Variants in GPR139 observed in about 807,000 individuals in gnomAD.
The protein encoded by GPR139 is probable G protein-coupled receptor 139.
Under a neutral mutation model 25.8 loss-of-function variants are expected in GPR139, and 12 were observed. The observed-to-expected ratio is 0.47, with a 90% CI of 0.30 to 0.75. The LOEUF (loss-of-function observed/expected upper bound fraction) is 0.75, where lower values mean the gene tolerates loss of function less well. Ranked by LOEUF, GPR139 falls within the 30% of genes least tolerant of loss-of-function variation. GPR139 has a pLI of 0.07. For synonymous variants in GPR139, 184 were observed against 179.9 expected, an observed-to-expected ratio of 1.02 and a Z score of -0.18; for missense variants, 380 against 450.2, an observed-to-expected ratio of 0.84 and a Z score of 1.41.
chr16:20,051,427 C>T (rs2057371952), intron 1 of GPR139, among the ~76,000 whole-genome samples: 1 of 152,222 alleles, frequency 6.6e-6, no homozygotes, highest in African/African-American at 2.4e-5. Context: ...AATGGACATT[C>T]TGTTCCACCA....
chr16:20,043,933 A>G (rs796068348), intron 1 of GPR139, among the ~76,000 whole-genome samples: 17 of 151,612 alleles, frequency 1.1e-4, no homozygotes, highest in African/African-American at 4.1e-4. Context: ...ACAGATCCAG[A>G]TGAGCCTTCT....
At chr16:20,062,133 G>A (rs1017244613) in intron 1 of GPR139, among the ~76,000 whole-genome samples, 2 of 152,218 alleles carry the variant, frequency 1.3e-5, no homozygotes, top group African/African-American at 4.8e-5. Flanking sequence ...AAAGGACATT[G>A]TATTAGAACA....
Position 20,029,490 on chromosome 16 carries a change from T to A in GPR139, c.*2245A>T, listed in dbSNP as rs1049759530. 0.015 allele frequency among the ~76,000 whole-genome samples: 2,167 copies of A among 149,058 alleles called. 32 individuals carry two copies. The highest frequency in any genetic ancestry group is 0.044 in the African/African-American group (1,782 of 40,874). On this transcript the variant is annotated 3_prime_UTR_variant, in exon 2 of 2. Transcript: ENST00000570682. Reference sequence around the variant, plus strand: ...TTTAAAAAATAAATAAATAAATATATATATATATATATATTCAGTATAGGT... The same window carrying A: ...TTTAAAAAATAAATAAATAAATATAAATATATATATATATTCAGTATAGGT...
At chr16:20,059,539 A>C (rs991042872) in intron 1 of GPR139, among the ~76,000 whole-genome samples, 1 of 152,144 alleles carries the variant, frequency 6.6e-6, no homozygotes, top group Admixed American at 6.5e-5. Flanking sequence ...TTGACCACCC[A>C]ACCTAATGGA....
chr16:20,072,482 C>G (rs1233119033), intron 1 of GPR139, among the ~76,000 whole-genome samples: 1 of 152,182 alleles, frequency 6.6e-6, no homozygotes, highest in Non-Finnish European at 1.5e-5. Context: ...CTCTTTCTCT[C>G]TGCTTCTTTC....
In GPR139 at chr16:20,073,440, C is replaced by A. The variant is rs767366208; in HGVS notation, c.127+50G>T. Reference sequence around the variant, plus strand: ...GGACGGGGGATTCTGGGTAGGGTTGCCCGGCACTTGGGGTTCCTGGCTTCC... The same window carrying A: ...GGACGGGGGATTCTGGGTAGGGTTGACCGGCACTTGGGGTTCCTGGCTTCC... On this transcript the variant is annotated intron_variant, in intron 1 of 1. Coordinates refer to ENST00000570682, the MANE Select transcript of GPR139 (RefSeq NM_001002911.4). The surrounding 1 kb of genome is among the most constrained non-coding windows in gnomAD (Gnocchi z 4.7). 5.7e-6 allele frequency: 9 copies of A among 1,591,726 alleles called. No homozygotes were observed. The highest frequency in any genetic ancestry group is 6.0e-6 in the Non-Finnish European group (7 of 1,169,532).
rs1182555868 is a variant in GPR139 at position 20,041,204 on chromosome 16, A to T, written c.128-8535T>A. Reference sequence around the variant, plus strand: ...AGGGGAGGGGAGGGGAGGGGAGGAGAGGAGAGGAGAGGAGAGGAGAGGAGA... The same window carrying T: ...AGGGGAGGGGAGGGGAGGGGAGGAGTGGAGAGGAGAGGAGAGGAGAGGAGA... On this transcript the variant is annotated intron_variant, in intron 1 of 1. Transcript: ENST00000570682. Among the ~76,000 whole-genome samples the T allele has an allele frequency of 3.0e-3, 3 of 1,000 alleles. 1 individual carries two copies. Among genetic ancestry groups the T allele is most frequent in the Non-Finnish European group, 5.7e-3 (3 of 524 alleles). The allele number at this position is 1,000 out of a possible 152,430, so 0.7% of individuals were successfully genotyped here.
Position 20,028,455 on chromosome 16 carries a change from A to C in GPR139, c.*3280T>G, listed in dbSNP as rs1323544077. Among the ~76,000 whole-genome samples, 2 of 152,184 alleles carry C rather than the reference A, an allele frequency of 1.3e-5. No homozygotes were observed. The highest frequency in any genetic ancestry group is 4.8e-5 in the African/African-American group (2 of 41,444). ...TAATACAAACAAGTCCAAACACAAT[A>C]TATAATCTAATTAAGAAAATATGAA... On this transcript the variant is annotated 3_prime_UTR_variant, in exon 2 of 2. Coordinates refer to ENST00000570682, the MANE Select transcript of GPR139 (RefSeq NM_001002911.4).
chr16:20,034,520 G>A (rs564993287), intron 1 of GPR139, among the ~76,000 whole-genome samples: 1 of 152,252 alleles, frequency 6.6e-6, no homozygotes, highest in South Asian at 2.1e-4. Flanking sequence ...TGCCATGTCT[G>A]CATATTCTTT....
intron 1 of GPR139, among the ~76,000 whole-genome samples, chr16:20,070,643 G>T (rs187021938): frequency 1.3e-5 from 2 of 152,142 alleles, no homozygotes. Context: ...ACATTCAGGC[G>T]CTCCCCATCC....
rs985195486 is a variant in GPR139, at chr16:20,029,430, G to C, written c.*2305C>G. ...AGATATTGCACTTTGACTCATTCAT[G>C]TGTAGCTCAAACTAGCATTTTTCAG... is the stretch of plus-strand genomic sequence containing the variant. On this transcript the variant is annotated 3_prime_UTR_variant, in exon 2 of 2. Coordinates refer to ENST00000570682, the MANE Select transcript of GPR139 (RefSeq NM_001002911.4). Among the ~76,000 whole-genome samples the C allele has an allele frequency of 2.6e-5, 4 of 151,658 alleles. No individual in the cohort carries two copies. Among genetic ancestry groups the C allele is most frequent in the Admixed American group, 2.0e-4 (3 of 15,204 alleles).
At chr16:20,055,526 G>A (rs1038353182) in intron 1 of GPR139, among the ~76,000 whole-genome samples, 10 of 152,176 alleles carry the variant, frequency 6.6e-5, no homozygotes, top group African/African-American at 1.7e-4. Context: ...TAGTCCACCC[G>A]ATGGAGAATT....
In GPR139 at chr16:20,029,294, C is replaced by G. The variant is rs1280788990; in HGVS notation, c.*2441G>C. 6.6e-6 allele frequency among the ~76,000 whole-genome samples: 1 copy of G among 151,902 alleles called. No homozygotes were observed. Among genetic ancestry groups the G allele is most frequent in the Non-Finnish European group, 1.5e-5 (1 of 67,990 alleles). On this transcript the variant is annotated 3_prime_UTR_variant, in exon 2 of 2. Coordinates refer to ENST00000570682, the MANE Select transcript of GPR139 (RefSeq NM_001002911.4). The stretch of plus-strand genomic sequence containing the variant: ...CAATGCACACCCAGTTTTTAAACAT[C>G]AACAATTAATTGTTACACACAATTA...
At chr16:20,043,347 A>G (rs1453086492) in intron 1 of GPR139, among the ~76,000 whole-genome samples, 1 of 152,228 alleles carries the variant, frequency 6.6e-6, no homozygotes, top group Admixed American at 6.5e-5. Flanking sequence ...TCCAAACTGT[A>G]TATCTCAGTA....
rs2057277838 is a variant in GPR139, at chr16:20,029,098, A to T, written c.*2637T>A. On this transcript the variant is annotated 3_prime_UTR_variant, in exon 2 of 2. Coordinates refer to ENST00000570682, the MANE Select transcript of GPR139 (RefSeq NM_001002911.4). ...CCTAACCCAATGGGCATTCATTTGC[A>T]TTTTAAGCAGAAGACAGCAATTCAC... Among the ~76,000 whole-genome samples the T allele has an allele frequency of 1.3e-5, 2 of 152,358 alleles. No homozygotes were observed. Among genetic ancestry groups the T allele is most frequent in the South Asian group, 4.1e-4 (2 of 4,828 alleles).
Position 20,030,271 on chromosome 16 carries a change from T to G in GPR139, c.*1464A>C, listed in dbSNP as rs2057282940. Reference sequence around the variant, plus strand: ...GAGGAACTAAATATTCCAGGTGGACTGTCTGCCGTTTTTTGGTCACCAAAA... The same window carrying G: ...GAGGAACTAAATATTCCAGGTGGACGGTCTGCCGTTTTTTGGTCACCAAAA... On this transcript the variant is annotated 3_prime_UTR_variant, in exon 2 of 2. Transcript: ENST00000570682. Among the ~76,000 whole-genome samples the G allele has an allele frequency of 1.3e-5, 2 of 152,348 alleles. 1 individual carries two copies. Among genetic ancestry groups the G allele is most frequent in the South Asian group, 4.1e-4 (2 of 4,832 alleles).
chr16:20,060,666 G>A (rs1016231598), intron 1 of GPR139, among the ~76,000 whole-genome samples: 1 of 152,196 alleles, frequency 6.6e-6, no homozygotes, highest in South Asian at 2.1e-4. Context: ...TCTGTATAAT[G>A]TATTGTCCCA....
At chr16:20,052,535 C>T (rs1186329577) in intron 1 of GPR139, among the ~76,000 whole-genome samples, 2 of 152,194 alleles carry the variant, frequency 1.3e-5, no homozygotes, top group Non-Finnish European at 2.9e-5. Flanking sequence ...CGGTGGCTCA[C>T]GCCTGTAATC....
At chr16:20,041,315 C>T (rs1048533336) in intron 1 of GPR139, among the ~76,000 whole-genome samples, 1 of 144,792 alleles carries the variant, frequency 6.9e-6, no homozygotes, top group African/African-American at 2.6e-5. Flanking sequence ...GAAAAGTCAG[C>T]GCTTATGTTA....
Sources: allele counts gnomAD v4.1 joint callset (sites outside exome capture counted in the v4.1 genomes callset), GRCh38; gene constraint gnomAD v4.1.1; non-coding constraint Gnocchi (gnomAD v3.1); transcripts MANE v1.5; gene names NCBI Gene and HGNC (gene_info 2026-07-23, HGNC 2026-07-21).